Variants in ARHGAP17 observed in about 807,000 individuals in gnomAD.
ARHGAP17 encodes the protein Rho GTPase activating protein 17, also known as rho GTPase-activating protein 17.
Under a neutral mutation model 99.5 loss-of-function variants are expected in ARHGAP17, and 57 were observed. The observed-to-expected ratio is 0.57, with a 90% CI of 0.46 to 0.71. The LOEUF (loss-of-function observed/expected upper bound fraction) is 0.71. ARHGAP17 is among the 30% of genes least tolerant of loss of function. The pLI is 0.00. For synonymous variants in ARHGAP17, 417 were observed against 429.6 expected, an observed-to-expected ratio of 0.97 and a Z score of 0.36; for missense variants, 1,000 against 1,122.4, an observed-to-expected ratio of 0.89 and a Z score of 1.56.
At chr16:24,995,527 G>C (rs1034495575) in intron 1 of ARHGAP17, among the ~76,000 whole-genome samples, 1 of 152,190 alleles carries the variant, frequency 6.6e-6, no homozygotes, top group Non-Finnish European at 1.5e-5. Context: ...TCAGGTACAC[G>C]GGATCTGCTG....
chr16:24,991,101 G>T (rs1346020643), intron 1 of ARHGAP17, among the ~76,000 whole-genome samples: 3 of 152,152 alleles, frequency 2.0e-5, no homozygotes, highest in Admixed American at 2.0e-4. Flanking sequence ...TAAGAATGTA[G>T]GATACAGTCA....
intron 6 of ARHGAP17, among the ~76,000 whole-genome samples, chr16:24,965,328 G>C (rs1018624534): frequency 6.6e-6 from 1 of 152,170 alleles, no homozygotes; most frequent in Non-Finnish European, 1.5e-5. Flanking sequence ...ACATTAGCTG[G>C]GCGTGGTGGC....
At chr16:24,922,734 C>T (rs971672982) in intron 19 of ARHGAP17, among the ~76,000 whole-genome samples, 18 of 151,908 alleles carry the variant, frequency 1.2e-4, no homozygotes, top group African/African-American at 4.4e-4. Flanking sequence ...GGAGTGCAGT[C>T]GTGCAATCTC....
At chr16:24,959,122 G>A (rs2051902950) in intron 9 of ARHGAP17, among the ~76,000 whole-genome samples, 1 of 152,144 alleles carries the variant, frequency 6.6e-6, no homozygotes, top group Non-Finnish European at 1.5e-5. Context: ...TATGATAGGA[G>A]AAATATTAAT....
rs372784784 is a variant in ARHGAP17 at position 24,991,579 on chromosome 16, A to C, written c.54-12574T>G. 3.9e-5 allele frequency among the ~76,000 whole-genome samples: 6 copies of C among 152,230 alleles called. No individual in the cohort carries two copies. The East Asian group carries it at 1.2e-3, about 29-fold the overall frequency. ...CACCGTGTGGGATGGCACCAAAGAGAATCACAGGCAAACAATAAACAGAAA... is the reference window on the plus strand; with the variant it reads ...CACCGTGTGGGATGGCACCAAAGAGCATCACAGGCAAACAATAAACAGAAA... On this transcript the variant is annotated intron_variant, in intron 1 of 19. Coordinates refer to ENST00000289968, the MANE Select transcript of ARHGAP17 (RefSeq NM_001006634.3).
chr16:24,935,733 T>C, intron 17 of ARHGAP17, 94 bp from the exon 18 acceptor site: 1 of 1,352,440 alleles, frequency 7.4e-7, no homozygotes, highest in Non-Finnish European at 1.0e-6. Context: ...AAGCAGAGTT[T>C]TCACTTCGGC....
chr16:24,967,581 G>A (rs1244236890), intron 6 of ARHGAP17, among the ~76,000 whole-genome samples: 2 of 152,102 alleles, frequency 1.3e-5, no homozygotes, highest in African/African-American at 4.8e-5. Flanking sequence ...GGAGGCCAAG[G>A]TGGGAGGATC....
intron 15 of ARHGAP17, among the ~76,000 whole-genome samples, chr16:24,942,767 CA>C (rs768002636): frequency 0.014 from 980 of 69,496 alleles, 5 homozygotes; most frequent in African/African-American, 0.025. Context: ...GACTCTGTCT[CA>C]AAAAAAAAAA....
At chr16:24,938,254 C>T (rs2051196518) in intron 17 of ARHGAP17, among the ~76,000 whole-genome samples, 2 of 151,984 alleles carry the variant, frequency 1.3e-5, no homozygotes, top group Non-Finnish European at 2.9e-5. Context: ...ATCCCAGCTA[C>T]TCCGGAGGCT....
chr16:25,003,038 CAAAAAAAAA>C (rs1177218423), intron 1 of ARHGAP17, among the ~76,000 whole-genome samples: 2 of 53,294 alleles, frequency 3.8e-5, no homozygotes, highest in Non-Finnish European at 7.1e-5. Flanking sequence ...GACTCCGTCT[CAAAAAAAAA>C]AAAAAAAAAA....
chr16:24,960,154 A>G (rs1469525593), intron 7 of ARHGAP17, among the ~76,000 whole-genome samples, 175 bp from the exon 8 acceptor site: 1 of 152,236 alleles, frequency 6.6e-6, no homozygotes, highest in Admixed American at 6.5e-5. Context: ...TTCTTACATG[A>G]CTGACAAAGA....
intron 6 of ARHGAP17, among the ~76,000 whole-genome samples, chr16:24,965,163 T>G (rs919120854): frequency 7.3e-5 from 11 of 151,150 alleles, no homozygotes; most frequent in African/African-American, 2.7e-4. Flanking sequence ...ATAGATGTTA[T>G]AAAATGCAGC....
Position 24,949,480 on chromosome 16 carries a change from G to C in ARHGAP17, c.1051C>G (p.Gln351Glu). The change falls in exon 13 of 20, where the codon CAG (glutamine) becomes GAG (glutamate). Residue 351 changes from glutamine (Q) to glutamate (E), a missense_variant. By Grantham distance (29) the Gln-to-Glu change is conservative. This residue lies in a region of ARHGAP17 where 472 missense variants were observed against 611.1 expected (regional missense o/e 0.77). Transcript: ENST00000289968. ...YEEWTQVASV[Q>E]DQDKKLQDLW... is the part of the protein sequence containing the mutation. ...TCTTGAAGTTTTTTGTCTTGATCCT[G>C]CACACTGAGAACAAAAACTTTTAAG... The C allele has an allele frequency of 6.2e-7, 1 of 1,612,250 alleles. No individual in the cohort carries two copies. The highest frequency in any genetic ancestry group is 8.5e-7 in the Non-Finnish European group (1 of 1,179,460).
chr16:24,931,340 GC>G lies in ARHGAP17; in HGVS notation c.1958del (p.Gly653AlafsTer73). 4.0e-6 allele frequency: 6 copies of G among 1,508,526 alleles called. No homozygotes were observed. Among genetic ancestry groups the G allele is most frequent in the Admixed American group, 2.4e-5 (1 of 42,338 alleles). 93.4% of individuals were successfully genotyped at this position (1,508,526 alleles called of 1,614,324 possible). On this transcript the variant is annotated frameshift_variant, in exon 19 of 20. Coordinates refer to ENST00000289968, the MANE Select transcript of ARHGAP17 (RefSeq NM_001006634.3). LOFTEE classifies it high-confidence loss of function. ...GCTGAGATGTTCCTGAAGAACTCTGGCCCCCGGGGTGGCCAGGAGGTGGGTT... is the reference window on the plus strand; with the variant it reads ...GCTGAGATGTTCCTGAAGAACTCTGGCCCCGGGGTGGCCAGGAGGTGGGTT... ...PGNPPPGHPG[G>X]QSSSGTSQHP...
intron 17 of ARHGAP17, among the ~76,000 whole-genome samples, chr16:24,937,795 T>C (rs1424948536): frequency 6.6e-6 from 1 of 152,254 alleles, no homozygotes; most frequent in African/African-American, 2.4e-5. Context: ...AAAGGAGTTC[T>C]TTCAAGGCAA....
rs1049845668 is a variant in ARHGAP17 at position 24,931,107 on chromosome 16, T to C, written c.2192A>G (p.Asn731Ser). The change falls in exon 19 of 20, where the codon AAT (asparagine) becomes AGT (serine). Residue 731 changes from asparagine to serine, a missense_variant. By Grantham distance (46) the Asn-to-Ser change is conservative (BLOSUM62 1). This residue lies in a region of ARHGAP17 where 528 missense variants were observed against 511.4 expected (regional missense o/e 1.03). Transcript: ENST00000289968. Reference protein sequence around the residue: ...QATPLMHTKPNSQGPPNPMAL... With the variant: ...QATPLMHTKPSSQGPPNPMAL... ...CATGGGGTTGGGAGGGCCCTGGCTA[T>C]TGGGTTTGGTGTGCATCAGTGGCGT... The C allele has an allele frequency of 6.2e-7, 1 of 1,606,658 alleles. No homozygotes were observed. The highest frequency in any genetic ancestry group is 1.7e-5 in the Admixed American group (1 of 59,324).
intron 6 of ARHGAP17, 132 bp downstream of exon 6, chr16:24,968,219 T>C: frequency 1.1e-6 from 1 of 939,054 alleles, no homozygotes; most frequent in African/African-American, 1.6e-5. Flanking sequence ...TAGGAGGTGC[T>C]GGCAGGCTGG....
chr16:24,933,411 G>A (rs1169239392), intron 18 of ARHGAP17, among the ~76,000 whole-genome samples: 1 of 151,892 alleles, frequency 6.6e-6, no homozygotes, highest in Non-Finnish European at 1.5e-5. Flanking sequence ...GAGTCCAGTG[G>A]CTGGAGGATG....
intron 18 of ARHGAP17, among the ~76,000 whole-genome samples, chr16:24,934,127 A>G (rs527530449): frequency 6.6e-6 from 1 of 152,310 alleles, no homozygotes; most frequent in East Asian, 1.9e-4. Flanking sequence ...TGTAAAGACC[A>G]TGCTTCTATA....
Sources: gnomAD v4.1 joint callset for allele counts (sites outside exome capture counted in the v4.1 genomes callset) on GRCh38, gnomAD v4.1.1 for gene constraint, gnomAD v4.1.1 regional missense constraint, MANE v1.5 for transcripts, NCBI Gene and HGNC (gene_info 2026-07-23, HGNC 2026-07-21) for gene names.